Variants in ADAM17 observed in about 807,000 individuals in gnomAD.
ADAM17 encodes the protein disintegrin and metalloproteinase domain-containing protein 17.
ADAM17 carries 39 observed loss-of-function variants against 96.7 expected under a neutral mutation model. The ratio of observed to expected loss-of-function variants is 0.40; its 90% CI spans 0.31 to 0.53. ADAM17 has a LOEUF of 0.53. ADAM17 is among the 20% of genes least tolerant of loss of function. The pLI, the probability that ADAM17 is intolerant of heterozygous loss-of-function variation, is 0.44. For missense variants in ADAM17, 777 were observed against 1,013.2 expected (o/e 0.77, Z 3.17); for synonymous variants, 344 against 359.2 (o/e 0.96, Z 0.48).
chr2:9,508,558 C>G (rs34025748), intron 11 of ADAM17, among the ~76,000 whole-genome samples: 78,852 of 152,008 alleles, frequency 0.52, 21,365 homozygotes, highest in Middle Eastern at 0.67. Context: ...TTCCAGTAAT[C>G]TCACTCATGT....
At position 9,533,298 on chromosome 2, in the gene ADAM17, C is replaced by T. The variant is rs1258188940; in HGVS notation, c.450+2536G>A. On this transcript the variant is annotated intron_variant, in intron 4 of 18. Transcript: ENST00000310823. ...GCACAGTGGCTCACGCCTTTAATCT[C>T]AGCACTTTCAGAGGCCGAGGCTGGC... is the stretch of plus-strand genomic sequence containing the variant. 7.2e-5 allele frequency among the ~76,000 whole-genome samples: 11 copies of T among 152,246 alleles called. No homozygotes were observed. The East Asian group carries it at 1.7e-3, about 24-fold the overall frequency.
At chr2:9,522,441 TAAAA>T in intron 7 of ADAM17, 2 of 605,212 alleles carry the variant, frequency 3.3e-6, no homozygotes, top group Non-Finnish European at 3.1e-6. Context: ...AATAATAACT[TAAAA>T]AGAAAATGCG....
intron 7 of ADAM17, chr2:9,522,252 C>T (rs1359977818): frequency 2.5e-6 from 1 of 406,718 alleles, no homozygotes; most frequent in Non-Finnish European, 4.4e-6. Context: ...TACTGCATAG[C>T]ACCGTTGTGT....
intron 17 of ADAM17, 66 bp downstream of exon 17, chr2:9,492,832 A>T: frequency 7.2e-7 from 1 of 1,384,468 alleles, no homozygotes; most frequent in South Asian, 1.4e-5. Flanking sequence ...TTTTCCAGAG[A>T]TTACATGGTT....
chr2:9,491,178 T>C (rs781600390), intron 17 of ADAM17, 27 bp from the exon 18 acceptor site: 27 of 1,599,154 alleles, frequency 1.7e-5, no homozygotes, highest in Non-Finnish European at 2.3e-5. Context: ...AGAAGGTCAT[T>C]CCCTACAAAT....
intron 14 of ADAM17, among the ~76,000 whole-genome samples, 175 bp downstream of exon 14, chr2:9,496,939 A>G (rs115361288): frequency 1.0e-3 from 152 of 152,308 alleles, no homozygotes; most frequent in African/African-American, 3.6e-3. Flanking sequence ...GGTATGGTGG[A>G]TCTGCATGCA....
intron 4 of ADAM17, among the ~76,000 whole-genome samples, chr2:9,530,547 T>C (rs1266122927): frequency 6.6e-6 from 1 of 152,208 alleles, no homozygotes; most frequent in Non-Finnish European, 1.5e-5. Flanking sequence ...TACTAGTAAG[T>C]TGCTGGAAAA....
At chr2:9,499,586 T>C (rs1662878170) in intron 13 of ADAM17, among the ~76,000 whole-genome samples, 1 of 152,088 alleles carries the variant, frequency 6.6e-6, no homozygotes, top group Non-Finnish European at 1.5e-5. Flanking sequence ...TATCTTTTAG[T>C]AGACACAGGG....
Position 9,490,365 on chromosome 2 carries a change from G to T in ADAM17, c.2287C>A (p.Gln763Lys). 6.2e-7 allele frequency: 1 copy of T among 1,614,158 alleles called. No individual in the cohort carries two copies. ...KLDHQRMDTI[Q>K]EDPSTDSHMD... is the part of the protein sequence containing the mutation. ...TGTGAGTCTGTGCTGGGGTCTTCCT[G>T]GATGGTGTCCATTCTCTGGTGGTCC... The change falls in exon 19 of 19, where the codon CAG becomes AAG. Residue 763 changes from glutamine (Q) to lysine (K), a missense_variant. By Grantham distance (53) the Gln-to-Lys change is moderately conservative. Coordinates refer to ENST00000310823, the MANE Select transcript of ADAM17 (RefSeq NM_003183.6).
intron 5 of ADAM17, 99 bp from the exon 6 acceptor site, chr2:9,526,343 T>C: frequency 1.6e-6 from 2 of 1,278,486 alleles, no homozygotes; most frequent in Non-Finnish European, 2.1e-6. Context: ...ACAAACATTA[T>C]GTGAGCTTAA....
chr2:9,548,230 G>A (rs1305376436), intron 1 of ADAM17, among the ~76,000 whole-genome samples: 1 of 152,110 alleles, frequency 6.6e-6, no homozygotes, highest in East Asian at 1.9e-4. Flanking sequence ...TACTTGGGAG[G>A]CTGAGGCATG....
intron 8 of ADAM17, among the ~76,000 whole-genome samples, chr2:9,519,756 G>A (rs555759922): frequency 2.0e-5 from 3 of 151,960 alleles, no homozygotes; most frequent in Admixed American, 6.5e-5. Flanking sequence ...AGAACACAGG[G>A]AGAAGACAGC....
chr2:9,539,863 T>C (rs1665134315), intron 2 of ADAM17, among the ~76,000 whole-genome samples: 1 of 152,192 alleles, frequency 6.6e-6, no homozygotes, highest in Non-Finnish European at 1.5e-5. Context: ...CAAATGGAAA[T>C]AATATCACCT....
chr2:9,507,715 T>C (rs1663493126), intron 11 of ADAM17, among the ~76,000 whole-genome samples: 1 of 147,696 alleles, frequency 6.8e-6, no homozygotes, highest in African/African-American at 2.4e-5. Context: ...TAGCAAGTTC[T>C]TTTTTTTCTT....
At chr2:9,508,020 C>T (rs1663516068) in intron 11 of ADAM17, among the ~76,000 whole-genome samples, 1 of 152,164 alleles carries the variant, frequency 6.6e-6, no homozygotes, top group African/African-American at 2.4e-5. Context: ...CTGGCAAGTT[C>T]TTACAGGGCT....
At chr2:9,548,540 T>C (rs544579984) in intron 1 of ADAM17, among the ~76,000 whole-genome samples, 2 of 151,142 alleles carry the variant, frequency 1.3e-5, no homozygotes, top group African/African-American at 2.4e-5. Flanking sequence ...GACAATTGCA[T>C]GCTGAAAGAT....
chr2:9,555,536 G>A lies in ADAM17; in HGVS notation c.70C>T (p.Pro24Ser). The A allele has an allele frequency of 6.2e-7, 1 of 1,602,700 alleles. No homozygotes were observed. Among genetic ancestry groups the A allele is most frequent in the East Asian group, 2.3e-5 (1 of 44,382 alleles). The change falls in exon 1 of 19, where the codon CCG (proline) becomes TCG (serine). Residue 24 changes from proline (P) to serine (S), a missense_variant. Transcript: ENST00000310823. ...FVLAPRPPDD[P>S]GFGPHQRLEK... ...AGTCTCTGGTGGGGGCCGAAGCCCG[G>A]GTCATCCGGAGGTCGCGGCGCCAGC...
chr2:9,548,573 C>G (rs1327698530), intron 1 of ADAM17, among the ~76,000 whole-genome samples: 1 of 151,532 alleles, frequency 6.6e-6, no homozygotes, highest in Non-Finnish European at 1.5e-5. Flanking sequence ...AATGATAGAG[C>G]CTTGGGAGAA....
At position 9,536,940 on chromosome 2, in the gene ADAM17, T is replaced by C. The variant is rs575094520; in HGVS notation, c.231-112A>G. ...AAGCATTGACATTAATAAAACACTA[T>C]GCAAGTTACAACTAAAGTCTTATTA... On this transcript the variant is annotated intron_variant, in intron 2 of 18. Coordinates refer to ENST00000310823, the MANE Select transcript of ADAM17 (RefSeq NM_003183.6). The C allele has an allele frequency of 4.8e-6, 6 of 1,255,338 alleles. No individual in the cohort carries two copies. The East Asian group carries it at 1.3e-4, about 27-fold the overall frequency. The allele number at this position is 1,255,338 out of a possible 1,614,324, so 77.8% of individuals were successfully genotyped here.
Sources: allele counts gnomAD v4.1 joint callset (sites outside exome capture counted in the v4.1 genomes callset), GRCh38; gene constraint gnomAD v4.1.1; transcripts MANE v1.5; gene names NCBI Gene and HGNC (gene_info 2026-07-23, HGNC 2026-07-21).